The following CPNE4 variants were observed in gnomAD, a reference collection of about 807,000 sequenced individuals.
CPNE4 encodes the protein copine 4.
A neutral mutation model predicts 67.9 loss-of-function variants in CPNE4; 25 were observed. The observed-to-expected ratio is 0.37, with a 90% CI of 0.27 to 0.51. The LOEUF is 0.51. Ranked by LOEUF, CPNE4 falls within the 20% of genes least tolerant of loss-of-function variation. The probability of loss-of-function intolerance (pLI) is 0.93; values close to 1 mark genes in which losing one functional copy is unlikely to be tolerated. For missense variants in CPNE4, 464 were observed against 690.8 expected, an observed-to-expected ratio of 0.67 and a Z score of 3.68; for synonymous variants, 242 against 244.9, an observed-to-expected ratio of 0.99 and a Z score of 0.11.
At chr3:131,547,486 A>C (rs1330051337) in intron 14 of CPNE4, among the ~76,000 whole-genome samples, 21 of 135,936 alleles carry the variant, frequency 1.5e-4, no homozygotes, top group African/African-American at 5.0e-4. Flanking sequence ...AAAAAAAAAA[A>C]AAAAAAAAAA....
chr3:131,986,036 G>A (rs959947270), intron 1 of CPNE4: 6 of 153,840 alleles, frequency 3.9e-5, no homozygotes, highest in Non-Finnish European at 7.3e-5. Flanking sequence ...AGGAGTAGAT[G>A]CATTGAAAAC....
At chr3:131,893,767 TA>T (rs542146944) in intron 2 of CPNE4, among the ~76,000 whole-genome samples, 1 of 151,614 alleles carries the variant, frequency 6.6e-6, no homozygotes, top group Non-Finnish European at 1.5e-5. Flanking sequence ...TTGGGATACA[TA>T]AAAAAATGGA....
intron 2 of CPNE4, among the ~76,000 whole-genome samples, chr3:131,759,666 T>C (rs182816808): frequency 5.7e-4 from 87 of 152,340 alleles, no homozygotes; most frequent in African/African-American, 1.9e-3. Flanking sequence ...ACTGATGTTG[T>C]ACTTACCAGG....
intron 2 of CPNE4, among the ~76,000 whole-genome samples, chr3:131,862,698 C>CTT (rs398106458): frequency 4.2e-5 from 4 of 95,786 alleles, no homozygotes; most frequent in Non-Finnish European, 7.0e-5. Context: ...CTTTTAAGTT[C>CTT]TTATATATAT....
intron 7 of CPNE4, among the ~76,000 whole-genome samples, chr3:131,590,948 C>G (rs1166267808): frequency 6.6e-6 from 1 of 152,156 alleles, no homozygotes; most frequent in Non-Finnish European, 1.5e-5. Flanking sequence ...AGTTCTACCT[C>G]ATTTTTCAAT....
intron 2 of CPNE4, among the ~76,000 whole-genome samples, chr3:131,887,771 C>T (rs1307691480): frequency 6.6e-6 from 1 of 152,150 alleles, no homozygotes; most frequent in Non-Finnish European, 1.5e-5. Context: ...GCCTATGTTC[C>T]TCTTATCCAC....
rs186883930 is a variant in CPNE4 at position 132,014,734 on chromosome 3, T to A, written c.-2+19833A>T. ...ATTGTCTTCTAATATATTGTGTTCT[T>A]GGCTTCTGTCATTCAAAAAATAGTT... On this transcript the variant is annotated intron_variant, in intron 1 of 15. Coordinates refer to ENST00000429747, the MANE Select transcript of CPNE4 (RefSeq NM_130808.3). 5.8e-4 allele frequency among the ~76,000 whole-genome samples: 88 copies of A among 152,288 alleles called. No homozygotes were observed. In the Middle Eastern group the frequency reaches 0.017, roughly 29 times the overall value.
intron 1 of CPNE4, among the ~76,000 whole-genome samples, chr3:131,966,684 TC>T (rs779106013): frequency 3.7e-4 from 57 of 152,080 alleles, no homozygotes; most frequent in Non-Finnish European, 6.6e-4. Flanking sequence ...AGAAGTCGAA[TC>T]CCAGAATAGA....
chr3:131,723,174 T>C (rs1013282697), intron 3 of CPNE4, among the ~76,000 whole-genome samples: 6 of 152,144 alleles, frequency 3.9e-5, no homozygotes, highest in South Asian at 4.2e-4. Context: ...AAGTGCTCAA[T>C]AATAGTTGTT....
intron 2 of CPNE4, among the ~76,000 whole-genome samples, chr3:131,725,387 C>T (rs755057602): frequency 6.6e-6 from 1 of 152,102 alleles, no homozygotes; most frequent in Non-Finnish European, 1.5e-5. Context: ...TGATTATGTC[C>T]CCATCCAATA....
chr3:131,920,406 T>C (rs933467179), intron 1 of CPNE4, among the ~76,000 whole-genome samples: 2 of 152,168 alleles, frequency 1.3e-5, no homozygotes, highest in African/African-American at 2.4e-5. Context: ...CTGGTTTAGC[T>C]TTCTCTCACA....
chr3:131,948,878 A>G (rs1167533936), intron 1 of CPNE4, among the ~76,000 whole-genome samples: 3 of 152,208 alleles, frequency 2.0e-5, no homozygotes, highest in Non-Finnish European at 4.4e-5. Context: ...ACACACAAAA[A>G]TAAATAGGCC....
chr3:131,952,604 G>A (rs867851682), intron 1 of CPNE4, among the ~76,000 whole-genome samples: 60 of 54,608 alleles, frequency 1.1e-3, no homozygotes, highest in Admixed American at 1.7e-3. Context: ...CAGCCGCCCC[G>A]TCCGGAGGGA....
intron 7 of CPNE4, among the ~76,000 whole-genome samples, chr3:131,634,203 CA>C (rs2079315135): frequency 1.3e-5 from 2 of 152,092 alleles, no homozygotes; most frequent in Admixed American, 1.3e-4. Flanking sequence ...TCTTCACTCC[CA>C]ACATGCATAC....
intron 1 of CPNE4, among the ~76,000 whole-genome samples, chr3:131,947,813 C>T (rs1341313895): frequency 6.6e-6 from 1 of 152,184 alleles, no homozygotes; most frequent in Admixed American, 6.5e-5. Flanking sequence ...AATTGCCACG[C>T]TCTCTTCCAC....
At chr3:131,630,685 T>C (rs932073691) in intron 7 of CPNE4, among the ~76,000 whole-genome samples, 2 of 152,348 alleles carry the variant, frequency 1.3e-5, no homozygotes, top group African/African-American at 4.8e-5. Context: ...GGGGTGACCA[T>C]ATTGAATGGA....
intron 1 of CPNE4, among the ~76,000 whole-genome samples, chr3:132,015,505 A>G (rs1439732980): frequency 1.1e-5 from 1 of 92,914 alleles, no homozygotes; most frequent in African/African-American, 4.3e-5. Flanking sequence ...AATTCCTTAG[A>G]CATACACACT....
intron 1 of CPNE4, among the ~76,000 whole-genome samples, chr3:131,996,860 T>C (rs770367938): frequency 6.6e-5 from 10 of 152,164 alleles, no homozygotes; most frequent in Non-Finnish European, 1.3e-4. Flanking sequence ...TCAGGAGACC[T>C]AGAAAGTTTG....
At chr3:131,671,996 A>C (rs1440336224) in intron 6 of CPNE4, among the ~76,000 whole-genome samples, 3 of 151,886 alleles carry the variant, frequency 2.0e-5, no homozygotes, top group Non-Finnish European at 4.4e-5. Context: ...GCTGTCCATC[A>C]TTGTATTTTC....
Sources: gnomAD v4.1 joint callset for allele counts (sites outside exome capture counted in the v4.1 genomes callset) on GRCh38, gnomAD v4.1.1 for gene constraint, MANE v1.5 for transcripts, NCBI Gene and HGNC (gene_info 2026-07-23, HGNC 2026-07-21) for gene names.